The following CYTH3 variants were observed in gnomAD, a reference collection of about 807,000 sequenced individuals.
CYTH3 encodes cytohesin-3.
CYTH3 carries 23 observed loss-of-function variants against 55.1 expected under a neutral mutation model. The observed-to-expected ratio is 0.42, with a 90% CI of 0.30 to 0.59. The LOEUF is 0.59. Ranked by LOEUF, CYTH3 falls within the 20% of genes least tolerant of loss-of-function variation. CYTH3 has a pLI of 0.20. For synonymous variants in CYTH3, 249 were observed against 194.9 expected (o/e 1.28, Z -2.31); for missense variants, 413 against 524.8 (o/e 0.79, Z 2.08).
In CYTH3 at chr7:6,259,815, T is replaced by TATATATATTATATATATA. The variant is rs1780295667; in HGVS notation, c.34+12658_34+12659insTATATATATAATATATAT. On this transcript the variant is annotated intron_variant, in intron 1 of 12. Transcript: ENST00000350796. ...TATATATATATATATATATATATAA[T>TATATATATTATATATATA]ATATATATATATATATATTTTTTTT... Among the ~76,000 whole-genome samples the TATATATATTATATATATA allele has an allele frequency of 1.5e-4, 4 of 26,106 alleles. No homozygotes were observed. In the African/African-American group the frequency reaches 2.0e-3, roughly 13 times the overall value. 17.1% of individuals were successfully genotyped at this position (26,106 alleles called of 152,430 possible).
chr7:6,240,634 G>C lies in CYTH3; in HGVS notation c.34+31840C>G, dbSNP rs1019513742. 4.6e-5 allele frequency among the ~76,000 whole-genome samples: 7 copies of C among 152,264 alleles called. 1 individual carries two copies. Among genetic ancestry groups the C allele is most frequent in the Non-Finnish European group, 1.0e-4 (7 of 68,020 alleles). ...TGTTGGGACAATGCAGCCTTTTGGGGAAAGAAAGTTGAAGCTGTATCTATA... is the reference window on the plus strand; with the variant it reads ...TGTTGGGACAATGCAGCCTTTTGGGCAAAGAAAGTTGAAGCTGTATCTATA... On this transcript the variant is annotated intron_variant, in intron 1 of 12. Transcript: ENST00000350796.
At chr7:6,199,077 G>A (rs113108048) in intron 1 of CYTH3, among the ~76,000 whole-genome samples, 117 of 152,340 alleles carry the variant, frequency 7.7e-4, no homozygotes, top group African/African-American at 2.6e-3. Context: ...AATGTGGAAA[G>A]AAGGCAGGAA....
intron 2 of CYTH3, among the ~76,000 whole-genome samples, chr7:6,189,331 C>T (rs1182541635): frequency 6.6e-6 from 1 of 151,464 alleles, no homozygotes; most frequent in African/African-American, 2.4e-5. Flanking sequence ...TTTTTTTAGA[C>T]AGGGTCTTGC....
At chr7:6,231,696 A>G (rs776211130) in intron 1 of CYTH3, among the ~76,000 whole-genome samples, 6 of 152,268 alleles carry the variant, frequency 3.9e-5, no homozygotes, top group Admixed American at 1.3e-4. Flanking sequence ...TGATCAATTC[A>G]TAGAAACAAA....
At chr7:6,212,748 C>T (rs1338805317) in intron 1 of CYTH3, 1 of 152,142 alleles carries the variant, frequency 6.6e-6, no homozygotes, top group Admixed American at 6.5e-5. Flanking sequence ...GCCTTCCTTC[C>T]TTTGTAAGGC....
intron 1 of CYTH3, among the ~76,000 whole-genome samples, chr7:6,255,985 G>C (rs373103819): frequency 1.3e-5 from 2 of 151,938 alleles, no homozygotes; most frequent in South Asian, 4.2e-4. Context: ...GGATGGTCTC[G>C]ATCTCCTGAC....
intron 4 of CYTH3, among the ~76,000 whole-genome samples, chr7:6,181,496 TC>T (rs1783501443): frequency 6.6e-6 from 1 of 151,986 alleles, no homozygotes; most frequent in Non-Finnish European, 1.5e-5. Flanking sequence ...GCTGTGCTCC[TC>T]ATTTCTTCTT....
intron 2 of CYTH3, chr7:6,188,811 G>A (rs1783725571): frequency 6.6e-6 from 1 of 152,138 alleles, no homozygotes; most frequent in Non-Finnish European, 1.5e-5. Context: ...GATTACTAAG[G>A]TCCAAATAAT....
At chr7:6,177,611 T>A (rs1405995315) in intron 5 of CYTH3, among the ~76,000 whole-genome samples, 2 of 152,212 alleles carry the variant, frequency 1.3e-5, no homozygotes, top group Non-Finnish European at 2.9e-5. Context: ...CAGGATCCCA[T>A]AATACGGTAA....
intron 1 of CYTH3, among the ~76,000 whole-genome samples, chr7:6,256,909 G>C (rs1006347246): frequency 6.6e-6 from 1 of 152,116 alleles, no homozygotes; most frequent in African/African-American, 2.4e-5. Flanking sequence ...CAGACTTCAA[G>C]ACCAGTCTGA....
intron 1 of CYTH3, among the ~76,000 whole-genome samples, chr7:6,203,385 A>G (rs1784104933): frequency 6.6e-6 from 1 of 152,190 alleles, no homozygotes; most frequent in South Asian, 2.1e-4. Context: ...AAACTAAACA[A>G]CTGCTACTCC....
chr7:6,259,781 TATAA>T (rs1780265416), intron 1 of CYTH3, among the ~76,000 whole-genome samples: 2 of 19,122 alleles, frequency 1.0e-4, no homozygotes, highest in Non-Finnish European at 1.3e-4. Context: ...ATTATATATA[TATAA>T]TATATATATA....
intron 1 of CYTH3, among the ~76,000 whole-genome samples, chr7:6,271,305 C>G (rs1308610755): frequency 6.6e-6 from 1 of 152,206 alleles, no homozygotes. Flanking sequence ...CTGAGCAGCA[C>G]TTGAATTCTG....
intron 1 of CYTH3, among the ~76,000 whole-genome samples, chr7:6,236,358 G>C (rs1173362324): frequency 8.6e-6 from 1 of 115,794 alleles, no homozygotes; most frequent in East Asian, 2.3e-4. Context: ...CGCACACTAC[G>C]CCTGACTTTT....
intron 1 of CYTH3, among the ~76,000 whole-genome samples, chr7:6,242,988 T>C (rs930974878): frequency 6.6e-6 from 1 of 152,090 alleles, no homozygotes; most frequent in Non-Finnish European, 1.5e-5. Flanking sequence ...TTGCCATGGG[T>C]GTCCTGGGAC....
chr7:6,262,831 A>G (rs1031369197), intron 1 of CYTH3, among the ~76,000 whole-genome samples: 4 of 152,222 alleles, frequency 2.6e-5, no homozygotes, highest in African/African-American at 9.6e-5. Flanking sequence ...AGGCAGGAGG[A>G]CTGCTTGAGC....
chr7:6,187,563 A>C, intron 3 of CYTH3, 94 bp downstream of exon 3: 1 of 1,130,966 alleles, frequency 8.8e-7, no homozygotes, highest in Non-Finnish European at 1.4e-6. Context: ...CCCACATCCC[A>C]ACCACTCTCA....
intron 1 of CYTH3, among the ~76,000 whole-genome samples, chr7:6,263,525 G>A (rs1269450582): frequency 1.3e-5 from 2 of 152,160 alleles, no homozygotes; most frequent in African/African-American, 2.4e-5. Context: ...GGCTAGGCCC[G>A]GTGGCTCACA....
chr7:6,262,245 G>T (rs1210804892), intron 1 of CYTH3, among the ~76,000 whole-genome samples: 1 of 152,182 alleles, frequency 6.6e-6, no homozygotes, highest in African/African-American at 2.4e-5. Flanking sequence ...TACAGTCCTG[G>T]AAGGAGATGA....
Sources: allele counts gnomAD v4.1 joint callset (sites outside exome capture counted in the v4.1 genomes callset), GRCh38; gene constraint gnomAD v4.1.1; transcripts MANE v1.5; gene names NCBI Gene and HGNC (gene_info 2026-07-23, HGNC 2026-07-21).